COL16A1: variants seen among roughly 807,000 people sequenced by gnomAD.
The protein encoded by COL16A1 is collagen alpha-1(XVI) chain.
Under a neutral mutation model 266.3 loss-of-function variants are expected in COL16A1, and 189 were observed. The ratio of observed to expected loss-of-function variants is 0.71; its 90% CI spans 0.63 to 0.80. COL16A1 has a LOEUF of 0.80. Among genes scored for constraint, COL16A1 ranks in the 30% least tolerant of loss-of-function variants. COL16A1 has a pLI of 0.00. For synonymous variants in COL16A1, 740 were observed against 782.3 expected (o/e 0.95, Z 0.90); for missense variants, 1,928 against 2,122.4 (o/e 0.91, Z 1.80).
intron 42 of COL16A1, among the ~76,000 whole-genome samples, chr1:31,676,061 A>T (rs1431430269): frequency 6.6e-6 from 1 of 151,932 alleles, no homozygotes; most frequent in African/African-American, 2.4e-5. Flanking sequence ...ACGGTCACTC[A>T]CACCTGCAAT....
chr1:31,656,310 GTC>G lies in COL16A1; in HGVS notation c.4101+88_4101+89del. The G allele has an allele frequency of 6.4e-7, 1 of 1,559,080 alleles. No homozygotes were observed. ...GCCCCCTGCCCACTGGCCTTCCTGT[GTC>G]TCCTCTCTGTGGCTAAAGCCGTAAC... is the stretch of plus-strand genomic sequence containing the variant. On this transcript the variant is annotated intron_variant, in intron 66 of 70. Transcript: ENST00000373672. The surrounding 1 kb of genome is among the most constrained non-coding windows in gnomAD (Gnocchi z 4.2).
chr1:31,658,361 C>A (rs1641349138), intron 64 of COL16A1, 127 bp downstream of exon 64: 3 of 828,910 alleles, frequency 3.6e-6, no homozygotes, highest in African/African-American at 3.5e-5. Flanking sequence ...GAACGCCACG[C>A]TGCCATCCTG....
At chr1:31,682,804 T>A (rs1175229182) in intron 37 of COL16A1, 130 bp downstream of exon 37, 2 of 1,121,256 alleles carry the variant, frequency 1.8e-6, no homozygotes, top group Non-Finnish European at 2.6e-6. Context: ...TGTCTGAGGC[T>A]GGGCTGAGGC....
Position 31,657,656 on chromosome 1 carries a change from G to A in COL16A1, c.4021-588C>T, listed in dbSNP as rs932439578. ...CCCCAGCCCAGGCCACCAGCCCCAC[G>A]GTCACTGCTGCTGCCCCCCAGAAAA... On this transcript the variant is annotated intron_variant, in intron 64 of 70. Coordinates refer to ENST00000373672, the MANE Select transcript of COL16A1 (RefSeq NM_001856.4). This position sits in a 1 kb window ranked among gnomAD's most constrained non-coding sequence, Gnocchi z 6.4. 9.2e-5 allele frequency among the ~76,000 whole-genome samples: 14 copies of A among 152,290 alleles called. No individual in the cohort carries two copies. The highest frequency in any genetic ancestry group is 2.4e-4 in the African/African-American group (10 of 41,556).
chr1:31,680,765 G>C, intron 39 of COL16A1, 140 bp downstream of exon 39: 1 of 1,530,568 alleles, frequency 6.5e-7, no homozygotes, highest in Non-Finnish European at 8.9e-7. Context: ...GTCCAAGGCA[G>C]CTTCATGTGC....
rs575749850 is a variant in COL16A1, at chr1:31,664,494, C to T, written c.3555+678G>A. Among the ~76,000 whole-genome samples the T allele has an allele frequency of 7.9e-5, 12 of 152,298 alleles. No homozygotes were observed. The East Asian group carries it at 9.6e-4, about 12-fold the overall frequency. ...GACCCCAAGCTCAGAAGTCAATCTT[C>T]GGGCTTCTTACACCACCCACTCAGC... On this transcript the variant is annotated intron_variant, in intron 56 of 70. Transcript: ENST00000373672. This position sits in a 1 kb window ranked among gnomAD's most constrained non-coding sequence, Gnocchi z 5.5.
At chr1:31,673,120 C>T (rs1642877200) in intron 44 of COL16A1, 1 of 495,090 alleles carries the variant, frequency 2.0e-6, no homozygotes, top group Non-Finnish European at 3.8e-6. Context: ...AGGCGAGGGG[C>T]CCGCAGAGGG....
intron 20 of COL16A1, 100 bp downstream of exon 20, chr1:31,691,088 C>G: frequency 1.3e-6 from 2 of 1,535,010 alleles, no homozygotes; most frequent in Non-Finnish European, 1.8e-6. Context: ...GGCCTCCTCC[C>G]TGGGACTTGC....
chr1:31,678,173 A>G (rs1159303910), intron 42 of COL16A1, among the ~76,000 whole-genome samples: 3 of 149,530 alleles, frequency 2.0e-5, no homozygotes, highest in African/African-American at 7.3e-5. Context: ...CCACGGTGGC[A>G]GGGGAGGTGT....
chr1:31,685,947 A>T lies in COL16A1; in HGVS notation c.1884+144T>A. The T allele has an allele frequency of 6.8e-7, 1 of 1,471,308 alleles. No individual in the cohort carries two copies. The highest frequency in any genetic ancestry group is 2.3e-5 in the East Asian group (1 of 43,534). The allele number at this position is 1,471,308 out of a possible 1,614,324, so 91.1% of individuals were successfully genotyped here. A position where few individuals can be genotyped will look rare whatever the true frequency, so the allele number is the denominator to read the frequency against. On this transcript the variant is annotated intron_variant, in intron 28 of 70. Transcript: ENST00000373672. The surrounding 1 kb of genome is among the most constrained non-coding windows in gnomAD (Gnocchi z 4.0). ...AAAGAAACAAAGGTGGAGCTGAGTC[A>T]TCAGGGGTCTCCATGCCTTGCTAAG...
chr1:31,677,256 T>C (rs1320759426), intron 42 of COL16A1, among the ~76,000 whole-genome samples: 1 of 152,200 alleles, frequency 6.6e-6, no homozygotes, highest in Non-Finnish European at 1.5e-5. Flanking sequence ...CGGTTAATTC[T>C]TTTTGTATTT....
Position 31,652,565 on chromosome 1 carries a change from A to C in COL16A1, c.*86T>G. Reference sequence around the variant, plus strand: ...TTAAAAACAACAACAACAACAAAAAAAACATTCACAACCTGTCACAGAGTC... The same window carrying C: ...TTAAAAACAACAACAACAACAAAAACAACATTCACAACCTGTCACAGAGTC... On this transcript the variant is annotated 3_prime_UTR_variant, in exon 71 of 71. Coordinates refer to ENST00000373672, the MANE Select transcript of COL16A1 (RefSeq NM_001856.4). The surrounding 1 kb of genome is among the most constrained non-coding windows in gnomAD (Gnocchi z 4.8). 1.5e-6 allele frequency: 2 copies of C among 1,339,662 alleles called. No individual in the cohort carries two copies. The highest frequency in any genetic ancestry group is 4.5e-5 in the South Asian group (2 of 44,504). The allele number at this position is 1,339,662 out of a possible 1,614,324, so 83.0% of individuals were successfully genotyped here. A position where few individuals can be genotyped will look rare whatever the true frequency, so the allele number is the denominator to read the frequency against.
chr1:31,659,390 G>A (rs1011447059), intron 62 of COL16A1, among the ~76,000 whole-genome samples: 1 of 152,148 alleles, frequency 6.6e-6, no homozygotes, highest in African/African-American at 2.4e-5. Flanking sequence ...AGGGGGTGAG[G>A]GGCAGGGGCT....
In COL16A1 at chr1:31,655,389, A is replaced by G; in HGVS notation, c.4215T>C (p.Pro1405=). The G allele has an allele frequency of 1.2e-6, 2 of 1,614,026 alleles. No individual in the cohort carries two copies. The highest frequency in any genetic ancestry group is 1.1e-5 in the South Asian group (1 of 91,074). ...CTCCAGGGTGGCCTCTCTCTCCTGC[A>G]GGGCCCGGTGGCCCAACAGGCCCCA... ...GSMGPVGPPG[P]AGERGHPGAP... Residue 1405 remains proline (P), a synonymous_variant, in exon 67 of 71, where the codon CCT becomes CCC. Transcript: ENST00000373672.
At chr1:31,691,129 C>G in intron 20 of COL16A1, 59 bp downstream of exon 20, 1 of 1,581,830 alleles carries the variant, frequency 6.3e-7, no homozygotes, top group Non-Finnish European at 8.6e-7. Context: ...CCGGCCCCTT[C>G]TCTCTCCTCC....
Position 31,688,633 on chromosome 1 carries a change from T to G in COL16A1, c.1768-131A>C. The G allele has an allele frequency of 7.5e-7, 1 of 1,330,862 alleles. No individual in the cohort carries two copies. The highest frequency in any genetic ancestry group is 1.1e-6 in the Non-Finnish European group (1 of 927,940). The allele number at this position is 1,330,862 out of a possible 1,614,324, so 82.4% of individuals were successfully genotyped here. ...ATGTCCTTCAGGTAGCTGGACAGTT[T>G]CTTCAGTTAGACAACTGAAGCTAGA... On this transcript the variant is annotated intron_variant, in intron 25 of 70. Coordinates refer to ENST00000373672, the MANE Select transcript of COL16A1 (RefSeq NM_001856.4). This position sits in a 1 kb window ranked among gnomAD's most constrained non-coding sequence, Gnocchi z 4.9.
intron 53 of COL16A1, 32 bp downstream of exon 53, chr1:31,666,005 G>C: frequency 6.2e-7 from 1 of 1,614,050 alleles, no homozygotes; most frequent in South Asian, 1.1e-5. Flanking sequence ...ACAAGACCAG[G>C]ACCACATCTC....
intron 67 of COL16A1, 144 bp downstream of exon 67, chr1:31,655,170 T>C: frequency 7.4e-7 from 1 of 1,357,844 alleles, no homozygotes; most frequent in Non-Finnish European, 9.9e-7. Context: ...TCCCCACCCT[T>C]CCGCACACAG....
At position 31,661,095 on chromosome 1, in the gene COL16A1, G is replaced by A. The variant is rs907747180; in HGVS notation, c.3796C>T (p.Pro1266Ser). Residue 1266 changes from proline (P) to serine (S), a missense_variant, in exon 61 of 71, where the codon CCT (proline) becomes TCT (serine). By Grantham distance (74) the Pro-to-Ser change is moderately conservative. Transcript: ENST00000373672. ...GCGCCAGGCCGGCCAGTGCTGCCAG[G>A]GGGACCTGGTTTGCCACAGTCACCC... Reference protein sequence around the residue: ...PKGDCGKPGPPGSTGRPGAEG... With the variant: ...PKGDCGKPGPSGSTGRPGAEG... 1.3e-6 allele frequency: 2 copies of A among 1,565,744 alleles called. No homozygotes were observed. Among genetic ancestry groups the A allele is most frequent in the Admixed American group, 1.9e-5 (1 of 52,474 alleles).
Sources: gnomAD v4.1 joint callset for allele counts (sites outside exome capture counted in the v4.1 genomes callset) on GRCh38, gnomAD v4.1.1 for gene constraint, Gnocchi (gnomAD v3.1) non-coding constraint, MANE v1.5 for transcripts, NCBI Gene and HGNC (gene_info 2026-07-23, HGNC 2026-07-21) for gene names.